The following SGCZ variants were observed in gnomAD, a reference collection of about 807,000 sequenced individuals.
The protein encoded by SGCZ is sarcoglycan zeta, also known as zeta-sarcoglycan.
In SGCZ, 40 loss-of-function variants were observed where a neutral mutation model predicts 41.3. The observed-to-expected ratio is 0.97, with a 90% CI of 0.75 to 1.26. The LOEUF is 1.26. SGCZ is among the 50% of genes most tolerant of loss of function. The probability of loss-of-function intolerance (pLI) is 0.00; values close to 1 mark genes in which losing one functional copy is unlikely to be tolerated. For synonymous variants in SGCZ, 206 were observed against 137.5 expected (o/e 1.50, Z -3.49); for missense variants, 552 against 369.8 (o/e 1.49, Z -4.04).
chr8:14,670,140 C>T (rs973380283), intron 1 of SGCZ, among the ~76,000 whole-genome samples: 2 of 152,068 alleles, frequency 1.3e-5, no homozygotes, highest in Non-Finnish European at 2.9e-5. Context: ...CAGTGTGTTC[C>T]TGTATCTTTA....
At position 14,554,789 on chromosome 8, in the gene SGCZ, G is replaced by A. The variant is rs775777311; in HGVS notation, c.177C>T (p.Thr59=). Residue 59 remains threonine (T), a synonymous_variant, in exon 2 of 8, where the codon ACC becomes ACT. Coordinates refer to ENST00000382080, the MANE Select transcript of SGCZ (RefSeq NM_139167.4). The stretch of plus-strand genomic sequence containing the variant: ...TTGTCATGGCTAAGTTAACTATCAT[G>A]GTAACCAACAGCAGAAGGACAAAGA... The part of the protein sequence containing the change: ...LYFFVLLLLV[T]MIVNLAMTIW... 3 of 1,613,110 alleles carry A rather than the reference G, an allele frequency of 1.9e-6. No homozygotes were observed. The highest frequency in any genetic ancestry group is 2.5e-6 in the Non-Finnish European group (3 of 1,179,484).
intron 4 of SGCZ, among the ~76,000 whole-genome samples, chr8:14,183,784 A>G (rs1176676217): frequency 6.6e-6 from 1 of 152,212 alleles, no homozygotes; most frequent in African/African-American, 2.4e-5. Context: ...CCTATTGTTA[A>G]GTTATATTAA....
intron 2 of SGCZ, among the ~76,000 whole-genome samples, chr8:14,496,469 G>A (rs554902507): frequency 6.6e-6 from 1 of 152,122 alleles, no homozygotes; most frequent in African/African-American, 2.4e-5. Context: ...TACACCCATG[G>A]GAGTATTTGG....
At chr8:14,520,025 A>T (rs1802743068) in intron 2 of SGCZ, among the ~76,000 whole-genome samples, 1 of 152,088 alleles carries the variant, frequency 6.6e-6, no homozygotes, top group African/African-American at 2.4e-5. Flanking sequence ...TTTAAAAATG[A>T]TATATTTAAC....
chr8:14,289,021 A>G (rs1563236781), intron 3 of SGCZ, among the ~76,000 whole-genome samples: 1 of 152,036 alleles, frequency 6.6e-6, no homozygotes, highest in Non-Finnish European at 1.5e-5. Flanking sequence ...TGTTTTCTTG[A>G]TGGCTAACAA....
intron 1 of SGCZ, among the ~76,000 whole-genome samples, chr8:15,034,602 G>A (rs913639342): frequency 6.6e-6 from 1 of 152,180 alleles, no homozygotes; most frequent in Non-Finnish European, 1.5e-5. Context: ...TCCAGGTACA[G>A]AAAGGTCAAA....
chr8:14,936,311 T>A (rs1250390175), intron 1 of SGCZ, among the ~76,000 whole-genome samples: 1 of 151,978 alleles, frequency 6.6e-6, no homozygotes, highest in African/African-American at 2.4e-5. Context: ...GCATTTAATA[T>A]GTCTAACGTA....
chr8:14,568,238 T>G (rs1804439850), intron 1 of SGCZ, among the ~76,000 whole-genome samples: 5 of 148,266 alleles, frequency 3.4e-5, no homozygotes, highest in African/African-American at 7.5e-5. Flanking sequence ...TGTCCGGGGG[T>G]GGGGAGAAAG....
intron 1 of SGCZ, among the ~76,000 whole-genome samples, chr8:14,628,844 A>T (rs753318702): frequency 2.0e-5 from 3 of 152,144 alleles, no homozygotes; most frequent in Non-Finnish European, 4.4e-5. Context: ...CCTTGGCTAC[A>T]CAGCCTGGAC....
chr8:14,903,497 G>A (rs1585364618), intron 1 of SGCZ, among the ~76,000 whole-genome samples: 1 of 152,056 alleles, frequency 6.6e-6, no homozygotes, highest in Admixed American at 6.6e-5. Flanking sequence ...TACTGTTAAA[G>A]TGTTCTCTAA....
chr8:14,680,981 A>AAAAAAAAC (rs1554479471), intron 1 of SGCZ, among the ~76,000 whole-genome samples: 8 of 150,228 alleles, frequency 5.3e-5, no homozygotes, highest in Admixed American at 1.3e-4. Context: ...AAAAAAAAAA[A>AAAAAAAAC]CAGAAAATCG....
intron 2 of SGCZ, among the ~76,000 whole-genome samples, chr8:14,417,365 G>A (rs1459588145): frequency 1.3e-5 from 2 of 151,702 alleles, no homozygotes; most frequent in Non-Finnish European, 2.9e-5. Context: ...TTCTTCTGAG[G>A]GTTAGGAAAA....
chr8:14,209,253 G>A (rs552150455), intron 4 of SGCZ, among the ~76,000 whole-genome samples: 53 of 152,272 alleles, frequency 3.5e-4, no homozygotes, highest in African/African-American at 1.3e-3. Flanking sequence ...CTTCAAACCT[G>A]CCTATAAAAT....
Position 14,403,098 on chromosome 8 carries a change from G to C in SGCZ, c.235-78894C>G, listed in dbSNP as rs1208393358. ...TGATTTGGCTCTCTGTTTGTCTGCT[G>C]TTGGTGTATAAGAATGCTTGTGATT... On this transcript the variant is annotated intron_variant, in intron 2 of 7. Transcript: ENST00000382080. 6.1e-4 allele frequency among the ~76,000 whole-genome samples: 92 copies of C among 149,974 alleles called. 10 individuals are homozygous for C. The highest frequency in any genetic ancestry group is 2.2e-3 in the African/African-American group (87 of 39,442).
chr8:15,152,998 T>G (rs1799226126), intron 1 of SGCZ, among the ~76,000 whole-genome samples: 1 of 152,192 alleles, frequency 6.6e-6, no homozygotes, highest in Non-Finnish European at 1.5e-5. Flanking sequence ...AATCAGAGGT[T>G]ATTATGAAAC....
chr8:14,835,641 T>C (rs1433038372), intron 1 of SGCZ, among the ~76,000 whole-genome samples: 1 of 152,248 alleles, frequency 6.6e-6, no homozygotes, highest in African/African-American at 2.4e-5. Flanking sequence ...CCTGTTCTAA[T>C]TTGATATTCC....
intron 1 of SGCZ, among the ~76,000 whole-genome samples, chr8:15,082,522 C>A (rs1222298634): frequency 6.6e-6 from 1 of 151,628 alleles, no homozygotes; most frequent in Non-Finnish European, 1.5e-5. Context: ...CACTGAGTTA[C>A]AGAAATTACA....
At chr8:14,117,251 A>T (rs1802550999) in intron 5 of SGCZ, among the ~76,000 whole-genome samples, 1 of 152,136 alleles carries the variant, frequency 6.6e-6, no homozygotes, top group Non-Finnish European at 1.5e-5. Flanking sequence ...CACAACTTTT[A>T]TAATCCAGAT....
At chr8:14,843,304 G>T (rs970112448) in intron 1 of SGCZ, among the ~76,000 whole-genome samples, 6 of 151,940 alleles carry the variant, frequency 3.9e-5, no homozygotes, top group Admixed American at 6.6e-5. Flanking sequence ...TAATATGGGG[G>T]TTTAAAACAC....
Sources: allele counts gnomAD v4.1 joint callset (sites outside exome capture counted in the v4.1 genomes callset), GRCh38; gene constraint gnomAD v4.1.1; transcripts MANE v1.5; gene names NCBI Gene and HGNC (gene_info 2026-07-23, HGNC 2026-07-21).